Variants in FGGY observed in about 807,000 individuals in gnomAD.
The protein encoded by FGGY is FGGY carbohydrate kinase domain containing.
FGGY carries 72 observed loss-of-function variants against 71.3 expected under a neutral mutation model. That is an observed-to-expected ratio of 1.01 (90% CI 0.84 to 1.23). FGGY has a LOEUF of 1.23. Among genes scored for constraint, FGGY ranks in the 50% most tolerant of loss-of-function variants. FGGY has a pLI of 0.00. For synonymous variants in FGGY, 251 were observed against 250.3 expected (o/e 1.00, Z -0.02); for missense variants, 668 against 682.3 (o/e 0.98, Z 0.23).
intron 14 of FGGY, among the ~76,000 whole-genome samples, chr1:59,711,370 C>A (rs1365422075): frequency 6.6e-6 from 1 of 152,070 alleles, no homozygotes; most frequent in Non-Finnish European, 1.5e-5. Context: ...AGCAAACCAC[C>A]ATGACACATA....
chr1:59,497,976 G>A (rs2094100007), intron 6 of FGGY, among the ~76,000 whole-genome samples: 1 of 152,172 alleles, frequency 6.6e-6, no homozygotes, highest in South Asian at 2.1e-4. Flanking sequence ...CCCTGAAAGA[G>A]CATATTCTCA....
chr1:59,429,121 T>A (rs528977691), intron 5 of FGGY, among the ~76,000 whole-genome samples: 2 of 152,246 alleles, frequency 1.3e-5, no homozygotes, highest in South Asian at 4.1e-4. Flanking sequence ...TACAAGACAA[T>A]CACATGTATG....
chr1:59,623,694 T>C (rs994542922), intron 9 of FGGY, among the ~76,000 whole-genome samples: 5 of 152,176 alleles, frequency 3.3e-5, no homozygotes, highest in African/African-American at 1.2e-4. Context: ...GCCTCTCAGC[T>C]GAAGCTTCAC....
At chr1:59,727,200 C>T (rs1220553856) in intron 14 of FGGY, among the ~76,000 whole-genome samples, 4 of 152,214 alleles carry the variant, frequency 2.6e-5, no homozygotes, top group East Asian at 1.9e-4. Context: ...GCTACCTCCA[C>T]GTTGTTGAAA....
At chr1:59,470,197 C>T (rs2092868989) in intron 6 of FGGY, among the ~76,000 whole-genome samples, 1 of 152,190 alleles carries the variant, frequency 6.6e-6, no homozygotes, top group South Asian at 2.1e-4. Flanking sequence ...AATGGCTGAA[C>T]TATTTCACAC....
chr1:59,685,058 C>T (rs572337324), intron 14 of FGGY, among the ~76,000 whole-genome samples: 3 of 152,222 alleles, frequency 2.0e-5, no homozygotes, highest in African/African-American at 4.8e-5. Context: ...TGGTTAGTGG[C>T]AGAACGATGG....
chr1:59,569,904 G>A (rs2095951793), intron 8 of FGGY, among the ~76,000 whole-genome samples: 1 of 152,130 alleles, frequency 6.6e-6, no homozygotes, highest in Admixed American at 6.5e-5. Context: ...AGACCCCTGA[G>A]CCATGTCCAC....
chr1:59,561,871 T>C (rs1466270724), intron 8 of FGGY, among the ~76,000 whole-genome samples: 3 of 152,032 alleles, frequency 2.0e-5, no homozygotes, highest in Non-Finnish European at 4.4e-5. Flanking sequence ...CAGACTCAAT[T>C]AAAAGGGCCA....
chr1:59,665,679 CT>C (rs796736797), intron 12 of FGGY, among the ~76,000 whole-genome samples: 262 of 145,134 alleles, frequency 1.8e-3, no homozygotes, highest in Middle Eastern at 3.7e-3. Context: ...AACCCTGTTC[CT>C]TTTTTTTTTT....
At chr1:59,340,134 G>C (rs2050371484) in intron 3 of FGGY, 65 bp downstream of exon 3, 1 of 1,133,000 alleles carries the variant, frequency 8.8e-7, no homozygotes. Context: ...AATGGGCCCA[G>C]GTGGAACAGG....
At chr1:59,678,089 C>T (rs1317603441) in intron 14 of FGGY, among the ~76,000 whole-genome samples, 1 of 152,202 alleles carries the variant, frequency 6.6e-6, no homozygotes, top group East Asian at 1.9e-4. Context: ...GAACAGTCTC[C>T]TTGTGGACAA....
chr1:59,660,962 G>T (rs55909807), intron 12 of FGGY, among the ~76,000 whole-genome samples: 1,810 of 152,324 alleles, frequency 0.012, 19 homozygotes, highest in Non-Finnish European at 0.018. Context: ...ATATTACAAA[G>T]TGCATTTTAG....
At chr1:59,456,512 G>T (rs1443598338) in intron 5 of FGGY, among the ~76,000 whole-genome samples, 2 of 147,816 alleles carry the variant, frequency 1.4e-5, no homozygotes. Context: ...GCAGTGGCAC[G>T]ATCTTGGCTC....
intron 14 of FGGY, among the ~76,000 whole-genome samples, chr1:59,733,646 G>C (rs756105587): frequency 7.2e-5 from 11 of 152,034 alleles, no homozygotes; most frequent in Non-Finnish European, 1.2e-4. Flanking sequence ...TATTTCTCTT[G>C]ATTTCTTTCT....
chr1:59,365,039 A>G lies in FGGY; in HGVS notation c.466-13710A>G, dbSNP rs574683671. Among the ~76,000 whole-genome samples the G allele has an allele frequency of 1.1e-3, 173 of 152,308 alleles. 1 individual carries two copies. The highest frequency in any genetic ancestry group is 3.4e-3 in the Middle Eastern group (1 of 294). On this transcript the variant is annotated intron_variant, in intron 4 of 15. Coordinates refer to ENST00000303721, the MANE Select transcript of FGGY (RefSeq NM_018291.5). ...AGGAGGAACACACTTGGGGGAAGAT[A>G]GCAGATTCTGTCTTGGACGTGTTGA...
intron 11 of FGGY, among the ~76,000 whole-genome samples, chr1:59,642,977 G>A (rs2097052747): frequency 1.3e-5 from 2 of 149,344 alleles, no homozygotes; most frequent in South Asian, 4.3e-4. Context: ...GGAGCTTGCA[G>A]TGAGCCAAGA....
intron 11 of FGGY, among the ~76,000 whole-genome samples, chr1:59,655,939 G>T (rs1318422933): frequency 6.6e-6 from 1 of 152,152 alleles, no homozygotes; most frequent in Admixed American, 6.5e-5. Context: ...AAAGCTCATT[G>T]TTTCAATTGG....
At chr1:59,401,903 G>A (rs1210131240) in intron 5 of FGGY, among the ~76,000 whole-genome samples, 2 of 152,186 alleles carry the variant, frequency 1.3e-5, no homozygotes, top group African/African-American at 4.8e-5. Context: ...GGGAGAGTGG[G>A]GCCTCAGAGA....
At chr1:59,320,093 C>CT (rs2046127435) in intron 1 of FGGY, among the ~76,000 whole-genome samples, 1 of 152,162 alleles carries the variant, frequency 6.6e-6, no homozygotes, top group South Asian at 2.1e-4. Flanking sequence ...CAGTGGAGGT[C>CT]TGATGAAGCT....
Sources: gnomAD v4.1 joint callset for allele counts (sites outside exome capture counted in the v4.1 genomes callset) on GRCh38, gnomAD v4.1.1 for gene constraint, MANE v1.5 for transcripts, NCBI Gene and HGNC (gene_info 2026-07-23, HGNC 2026-07-21) for gene names.